The following NRTN variants were observed in gnomAD, a reference collection of about 807,000 sequenced individuals.
NRTN encodes neurturin.
NRTN carries 3 observed loss-of-function variants against 7.5 expected under a neutral mutation model. That is an observed-to-expected ratio of 0.40 (90% CI 0.18 to 1.03). The LOEUF is 1.03. Ranked by LOEUF, NRTN falls within the 50% of genes least tolerant of loss-of-function variation. The probability of loss-of-function intolerance (pLI) is 0.34; values close to 1 mark genes in which losing one functional copy is unlikely to be tolerated. For synonymous variants in NRTN, 157 were observed against 146.6 expected (o/e 1.07, Z -0.51); for missense variants, 310 against 307.0 (o/e 1.01, Z -0.07).
intron 1 of NRTN, among the ~76,000 whole-genome samples, chr19:5,812,458 T>A (rs946802703): frequency 6.6e-6 from 1 of 151,834 alleles, no homozygotes; most frequent in Non-Finnish European, 1.5e-5. Context: ...CGGCTGGGGG[T>A]GTCTGTGTCT....
chr19:5,811,065 C>T (rs369996587), intron 1 of NRTN, among the ~76,000 whole-genome samples: 16 of 151,928 alleles, frequency 1.1e-4, no homozygotes, highest in African/African-American at 2.9e-4. Context: ...GGTGAAACCC[C>T]GTCTCTACTA....
intron 1 of NRTN, among the ~76,000 whole-genome samples, chr19:5,812,852 G>A (rs1017125234): frequency 6.6e-6 from 1 of 152,230 alleles, no homozygotes; most frequent in African/African-American, 2.4e-5. Context: ...AGGCCCAGCT[G>A]TGAGCCCTCG....
chr19:5,816,541 G>A (rs1385332232), intron 1 of NRTN, among the ~76,000 whole-genome samples: 1 of 152,044 alleles, frequency 6.6e-6, no homozygotes, highest in Admixed American at 6.6e-5. Context: ...ACCATGACTG[G>A]CTAATTTTTT....
At chr19:5,812,435 G>A (rs1045373381) in intron 1 of NRTN, among the ~76,000 whole-genome samples, 2 of 152,226 alleles carry the variant, frequency 1.3e-5, no homozygotes, top group African/African-American at 2.4e-5. Context: ...TTCTCCGGCA[G>A]ACCTGGAAGG....
intron 2 of NRTN, among the ~76,000 whole-genome samples, chr19:5,826,003 C>T (rs747824114): frequency 3.9e-4 from 59 of 152,096 alleles, no homozygotes; most frequent in Non-Finnish European, 7.5e-4. Flanking sequence ...GGCGTGGTGG[C>T]GGGCGCCTGT....
chr19:5,821,362 T>C (rs1054069960), intron 1 of NRTN, among the ~76,000 whole-genome samples: 1 of 131,096 alleles, frequency 7.6e-6, no homozygotes, highest in Non-Finnish European at 1.5e-5. Context: ...TGGAGTGCAG[T>C]GGTGCAATCT....
chr19:5,819,926 A>G (rs1355645215), intron 1 of NRTN, among the ~76,000 whole-genome samples: 1 of 152,054 alleles, frequency 6.6e-6, no homozygotes, highest in Non-Finnish European at 1.5e-5. Flanking sequence ...TATCTGTGTT[A>G]AGTTTGTAAA....
intron 1 of NRTN, among the ~76,000 whole-genome samples, chr19:5,811,636 G>A (rs1164055383): frequency 2.0e-5 from 3 of 151,516 alleles, no homozygotes; most frequent in Non-Finnish European, 4.4e-5. Flanking sequence ...TGGTTCAAGT[G>A]ATTCTCCTGC....
At chr19:5,818,022 G>A (rs928795517) in intron 1 of NRTN, among the ~76,000 whole-genome samples, 1 of 151,856 alleles carries the variant, frequency 6.6e-6, no homozygotes, top group Non-Finnish European at 1.5e-5. Context: ...GGAGTGCAGT[G>A]GGGAGATCTC....
intron 1 of NRTN, among the ~76,000 whole-genome samples, chr19:5,812,278 T>G (rs1273248754): frequency 6.6e-6 from 1 of 152,126 alleles, no homozygotes; most frequent in Non-Finnish European, 1.5e-5. Context: ...TCAGCTTCAC[T>G]TTGGCAAAGA....
At chr19:5,815,224 G>T (rs893477326) in intron 1 of NRTN, among the ~76,000 whole-genome samples, 5 of 152,204 alleles carry the variant, frequency 3.3e-5, no homozygotes, top group African/African-American at 1.2e-4. Context: ...GGATGCTCTT[G>T]TGTGTGTCTC....
chr19:5,825,412 G>A (rs1483191487), intron 2 of NRTN, among the ~76,000 whole-genome samples: 3 of 152,172 alleles, frequency 2.0e-5, no homozygotes, highest in Non-Finnish European at 4.4e-5. Context: ...CCACGAGTAC[G>A]CCCATGTGCG....
In NRTN at chr19:5,827,865, G is replaced by T. The variant is rs575363266; in HGVS notation, c.286G>T (p.Ala96Ser). The part of the protein sequence containing the change: ...RAGPRRRRAR[A>S]RLGARPCGLR... ...GGGGCCCCGGCGGCGGCGCGCGCGT[G>T]CGCGGTTGGGGGCGCGGCCTTGCGG... Residue 96 changes from alanine (A) to serine (S), a missense_variant, in exon 3 of 3, where the codon GCG becomes TCG. Physicochemically the swap from Ala to Ser is moderately conservative, Grantham distance 99. Coordinates refer to ENST00000303212, the MANE Select transcript of NRTN (RefSeq NM_004558.5). 2.2e-4 allele frequency: 267 copies of T among 1,224,704 alleles called. No homozygotes were observed. Among genetic ancestry groups the T allele is most frequent in the Middle Eastern group, 1.7e-3 (7 of 4,020 alleles). The allele number at this position is 1,224,704 out of a possible 1,614,324, so 75.9% of individuals were successfully genotyped here.
intron 1 of NRTN, among the ~76,000 whole-genome samples, chr19:5,818,731 C>G (rs995328523): frequency 3.3e-5 from 5 of 152,040 alleles, no homozygotes; most frequent in Non-Finnish European, 7.4e-5. Flanking sequence ...TGTGCACACC[C>G]AGCCCCCTCC....
chr19:5,812,329 T>C (rs953456468), intron 1 of NRTN, among the ~76,000 whole-genome samples: 1 of 152,156 alleles, frequency 6.6e-6, no homozygotes, highest in Admixed American at 6.5e-5. Flanking sequence ...GTGCTGGGAC[T>C]TGATGCCCAG....
At chr19:5,818,186 A>G (rs2057012117) in intron 1 of NRTN, among the ~76,000 whole-genome samples, 1 of 151,170 alleles carries the variant, frequency 6.6e-6, no homozygotes, top group African/African-American at 2.4e-5. Flanking sequence ...TTGGTCTCGA[A>G]CTCCTGACCT....
chr19:5,823,486 A>G (rs999330858), intron 1 of NRTN, among the ~76,000 whole-genome samples: 2 of 152,188 alleles, frequency 1.3e-5, no homozygotes, highest in African/African-American at 4.8e-5. Flanking sequence ...AGTGTTCTCC[A>G]TGCAAGGACC....
chr19:5,827,663 T>G, intron 2 of NRTN, 86 bp from the exon 3 acceptor site: 2 of 568,132 alleles, frequency 3.5e-6, no homozygotes, highest in Non-Finnish European at 4.6e-6. Flanking sequence ...AGGGTCTTCG[T>G]TTGCAGGGGT....
intron 1 of NRTN, among the ~76,000 whole-genome samples, chr19:5,811,686 C>T (rs2056990910): frequency 1.3e-5 from 2 of 151,182 alleles, no homozygotes; most frequent in Non-Finnish European, 2.9e-5. Flanking sequence ...GAGTGCACCA[C>T]CACACCCGGC....
Sources: gnomAD v4.1 joint callset for allele counts (sites outside exome capture counted in the v4.1 genomes callset) on GRCh38, gnomAD v4.1.1 for gene constraint, MANE v1.5 for transcripts, NCBI Gene and HGNC (gene_info 2026-07-23, HGNC 2026-07-21) for gene names.